Variants in ANK3 observed in about 807,000 individuals in gnomAD.
ANK3 encodes ankyrin 3, also known as ankyrin-3.
ANK3 carries 57 observed loss-of-function variants against 370.9 expected under a neutral mutation model. The ratio of observed to expected loss-of-function variants is 0.15; its 90% CI spans 0.12 to 0.19. The LOEUF (loss-of-function observed/expected upper bound fraction) is 0.19. ANK3 is among the 10% of genes least tolerant of loss of function. The pLI, the probability that ANK3 is intolerant of heterozygous loss-of-function variation, is 1.00. For synonymous variants in ANK3, 1,929 were observed against 1,946.3 expected, an observed-to-expected ratio of 0.99 and a Z score of 0.23; for missense variants, 4,439 against 5,302.1, an observed-to-expected ratio of 0.84 and a Z score of 5.06.
intron 2 of ANK3, among the ~76,000 whole-genome samples, chr10:60,467,998 T>TG (rs1358120070): frequency 6.6e-6 from 1 of 151,676 alleles, no homozygotes; most frequent in Admixed American, 6.6e-5. Flanking sequence ...TTTTTTTTTT[T>TG]TTTGAGATGG....
chr10:60,584,038 TA>T (rs2077796093), intron 2 of ANK3, among the ~76,000 whole-genome samples: 1 of 152,202 alleles, frequency 6.6e-6, no homozygotes, highest in African/African-American at 2.4e-5. Context: ...CAGTCATTTT[TA>T]AAAAGATGAT....
At chr10:60,719,169 T>G (rs1271068588) in intron 1 of ANK3, among the ~76,000 whole-genome samples, 1 of 152,148 alleles carries the variant, frequency 6.6e-6, no homozygotes, top group Admixed American at 6.5e-5. Flanking sequence ...TGCTTTACTA[T>G]TTGTAGCTCT....
chr10:60,298,122 G>A (rs550087530), intron 1 of ANK3, among the ~76,000 whole-genome samples: 33 of 152,076 alleles, frequency 2.2e-4, no homozygotes, highest in South Asian at 1.0e-3. Context: ...CTTATTATTA[G>A]CTACCTCTAA....
intron 2 of ANK3, among the ~76,000 whole-genome samples, chr10:60,591,672 C>T (rs2077916610): frequency 6.6e-6 from 1 of 152,092 alleles, no homozygotes; most frequent in South Asian, 2.1e-4. Context: ...TGGAAGCAAC[C>T]TAAGTATCCA....
intron 1 of ANK3, chr10:60,684,710 T>A (rs35911653): frequency 1.3e-6 from 2 of 1,586,864 alleles, no homozygotes; most frequent in Admixed American, 1.7e-5. Flanking sequence ...TCTAAAACAG[T>A]CACTTTTCAC....
intron 2 of ANK3, among the ~76,000 whole-genome samples, chr10:60,517,756 AAGAGAGAG>A (rs57698250): frequency 2.0e-5 from 3 of 149,600 alleles, no homozygotes; most frequent in Non-Finnish European, 4.4e-5. Flanking sequence ...AAAAGAGAGA[AAGAGAGAG>A]AGAGAGAGAG....
At chr10:60,678,901 A>G (rs2079159536) in intron 1 of ANK3, among the ~76,000 whole-genome samples, 1 of 152,224 alleles carries the variant, frequency 6.6e-6, no homozygotes, top group Non-Finnish European at 1.5e-5. Flanking sequence ...TTACCTGGGA[A>G]TAGTCTCAGA....
intron 1 of ANK3, among the ~76,000 whole-genome samples, chr10:60,622,005 C>T (rs1366535066): frequency 6.6e-6 from 1 of 151,950 alleles, no homozygotes; most frequent in East Asian, 1.9e-4. Context: ...AACACGCAAA[C>T]CTGAAATATT....
At chr10:60,478,168 T>C (rs1595112269) in intron 2 of ANK3, among the ~76,000 whole-genome samples, 2 of 152,180 alleles carry the variant, frequency 1.3e-5, no homozygotes, top group East Asian at 3.9e-4. Flanking sequence ...AGTCCAACCA[T>C]GAAGCAGTCA....
chr10:60,676,645 G>A (rs1169156938), intron 1 of ANK3, among the ~76,000 whole-genome samples: 1 of 152,156 alleles, frequency 6.6e-6, no homozygotes, highest in Non-Finnish European at 1.5e-5. Context: ...TCAATGTCGT[G>A]TTGAAAAGCA....
In ANK3 at chr10:60,346,650, G is replaced by A. The variant is rs2055572430; in HGVS notation, c.114+42775C>T. Among the ~76,000 whole-genome samples, 4 of 152,128 alleles carry A rather than the reference G, an allele frequency of 2.6e-5. No homozygotes were observed. The South Asian group carries it at 8.3e-4, about 32-fold the overall frequency. On this transcript the variant is annotated intron_variant, in intron 1 of 43. Transcript: ENST00000280772. ...GGATGGGGGCAATTCAGCAATTACT[G>A]TTGATGTTTTACATGTACATACATA... is the stretch of plus-strand genomic sequence containing the variant.
At chr10:60,094,327 A>C (rs572871029) in intron 28 of ANK3, among the ~76,000 whole-genome samples, 3 of 151,918 alleles carry the variant, frequency 2.0e-5, no homozygotes, top group African/African-American at 7.2e-5. Flanking sequence ...AGCTGGGATT[A>C]CAGCCATGCG....
chr10:60,153,047 T>G (rs140928141), intron 23 of ANK3, among the ~76,000 whole-genome samples: 47 of 152,312 alleles, frequency 3.1e-4, no homozygotes, highest in African/African-American at 1.1e-3. Flanking sequence ...GTAACAACAG[T>G]TCAAACTTGA....
chr10:60,077,618 A>G (rs1436879381), intron 36 of ANK3, among the ~76,000 whole-genome samples: 2 of 152,256 alleles, frequency 1.3e-5, no homozygotes. Flanking sequence ...CAACTCTTCA[A>G]TATGGATAAA....
chr10:60,543,739 C>A (rs1450497587), intron 2 of ANK3, among the ~76,000 whole-genome samples: 1 of 151,954 alleles, frequency 6.6e-6, no homozygotes, highest in Non-Finnish European at 1.5e-5. Context: ...TTCAATCATT[C>A]ATTTCCTGAG....
chr10:60,227,938 T>A (rs1332653758), intron 8 of ANK3, among the ~76,000 whole-genome samples: 1 of 152,188 alleles, frequency 6.6e-6, no homozygotes, highest in African/African-American at 2.4e-5. Context: ...TTAGTAATTT[T>A]AAAATTACAT....
intron 2 of ANK3, among the ~76,000 whole-genome samples, chr10:60,480,666 G>C (rs1022865594): frequency 6.6e-6 from 1 of 152,104 alleles, no homozygotes; most frequent in African/African-American, 2.4e-5. Context: ...AATAAGGCAG[G>C]GGGAAAGGTT....
chr10:60,104,357 C>CAAAAAAAAAAAAAAAAAAA (rs747064489), intron 28 of ANK3, among the ~76,000 whole-genome samples: 6 of 53,758 alleles, frequency 1.1e-4, no homozygotes, highest in Non-Finnish European at 2.0e-4. Flanking sequence ...GACTCCATCT[C>CAAAAAAAAAAAAAAAAAAA]AAAAAAAAAA....
intron 42 of ANK3, chr10:60,043,100 T>G: frequency 1.9e-6 from 2 of 1,038,416 alleles, no homozygotes; most frequent in Non-Finnish European, 2.3e-6. Flanking sequence ...GTAAACAATC[T>G]GTTGCAATGA....
Sources: gnomAD v4.1 joint callset for allele counts (sites outside exome capture counted in the v4.1 genomes callset) on GRCh38, gnomAD v4.1.1 for gene constraint, MANE v1.5 for transcripts, NCBI Gene and HGNC (gene_info 2026-07-23, HGNC 2026-07-21) for gene names.